Variants in PON1 observed in about 807,000 individuals in gnomAD.
The protein encoded by PON1 is paraoxonase 1, also known as serum paraoxonase/arylesterase 1.
In PON1, 37 loss-of-function variants were observed where a neutral mutation model predicts 39.2. The observed-to-expected ratio is 0.94, with a 90% CI of 0.73 to 1.24. The LOEUF (loss-of-function observed/expected upper bound fraction) is 1.24. Among genes scored for constraint, PON1 ranks in the 50% most tolerant of loss-of-function variants. The pLI is 0.00. For missense variants in PON1, 397 were observed against 413.5 expected, an observed-to-expected ratio of 0.96 and a Z score of 0.35; for synonymous variants, 148 against 152.2, an observed-to-expected ratio of 0.97 and a Z score of 0.21.
At chr7:95,322,291 AGTTTT>A (rs1807913478) in intron 1 of PON1, among the ~76,000 whole-genome samples, 1 of 102,586 alleles carries the variant, frequency 9.7e-6, no homozygotes, top group African/African-American at 2.9e-5. Flanking sequence ...ATATATACTT[AGTTTT>A]ATTTATATGT....
chr7:95,313,931 G>C (rs1455911898), intron 4 of PON1, among the ~76,000 whole-genome samples: 1 of 152,144 alleles, frequency 6.6e-6, no homozygotes, highest in East Asian at 1.9e-4. Flanking sequence ...AGTGCTCAGG[G>C]AAGTAGCAAT....
chr7:95,302,149 T>G, intron 8 of PON1, 56 bp downstream of exon 8: 1 of 1,101,342 alleles, frequency 9.1e-7, no homozygotes, highest in Non-Finnish European at 1.3e-6. Flanking sequence ...TGTTGTCAAC[T>G]GAAAAAACAG....
chr7:95,302,115 A>AC, intron 8 of PON1, 90 bp downstream of exon 8: 1 of 761,446 alleles, frequency 1.3e-6, no homozygotes, highest in South Asian at 1.9e-5. Flanking sequence ...AAAAAAAAAA[A>AC]AAAAAACCAA....
At chr7:95,316,930 T>G in intron 2 of PON1, 141 bp from the exon 3 acceptor site, 1 of 712,304 alleles carries the variant, frequency 1.4e-6, no homozygotes, top group East Asian at 2.6e-5. Flanking sequence ...TTCTTTCATT[T>G]ATTCAAATTG....
chr7:95,321,509 A>C (rs1807896989), intron 1 of PON1, among the ~76,000 whole-genome samples: 1 of 152,314 alleles, frequency 6.6e-6, no homozygotes, highest in African/African-American at 2.4e-5. Flanking sequence ...AGCTCCAATA[A>C]GGGCTCTCAC....
intron 1 of PON1, among the ~76,000 whole-genome samples, chr7:95,322,765 AGGTGGGAGACTCGTG>A (rs1342663138): frequency 2.0e-5 from 3 of 152,130 alleles, no homozygotes; most frequent in Non-Finnish European, 4.4e-5. Context: ...CCGACTACAA[AGGTGGGAGACTCGTG>A]GGTGGGAGAC....
chr7:95,315,262 T>C (rs967224400), intron 4 of PON1, 60 bp downstream of exon 4: 3 of 1,387,450 alleles, frequency 2.2e-6, no homozygotes, highest in African/African-American at 2.9e-5. Context: ...TTTATTGGCA[T>C]GTTTTTCTGT....
At position 95,298,006 on chromosome 7, in the gene PON1, TTTCTA is replaced by T. The variant is rs1221909164; in HGVS notation, c.*933_*937del. Reference sequence around the variant, plus strand: ...AGATAGCCAAAGGGGTTGTTGATCTTTTCTATTTATTTGTTTGTTTACCTTTCTAT... The same window carrying T: ...AGATAGCCAAAGGGGTTGTTGATCTTTTTATTTGTTTGTTTACCTTTCTAT... On this transcript the variant is annotated 3_prime_UTR_variant, in exon 9 of 9. Coordinates refer to ENST00000222381, the MANE Select transcript of PON1 (RefSeq NM_000446.7). The T allele has an allele frequency of 6.6e-6, 1 of 151,306 alleles. No homozygotes were observed. Among genetic ancestry groups the T allele is most frequent in the Non-Finnish European group, 1.5e-5 (1 of 67,960 alleles). 9.4% of individuals were successfully genotyped at this position (151,306 alleles called of 1,614,324 possible).
chr7:95,318,227 T>C (rs1027436024), intron 2 of PON1, 96 bp downstream of exon 2: 2 of 1,064,712 alleles, frequency 1.9e-6, no homozygotes, highest in Admixed American at 1.8e-5. Flanking sequence ...TTCAAAATTT[T>C]ATTTTTGGAC....
chr7:95,317,214 T>A (rs1476760079), intron 2 of PON1, among the ~76,000 whole-genome samples: 1 of 152,144 alleles, frequency 6.6e-6, no homozygotes, highest in Non-Finnish European at 1.5e-5. Context: ...ATTGAAGATA[T>A]AAGCAAATTC....
intron 1 of PON1, among the ~76,000 whole-genome samples, chr7:95,320,837 A>G (rs188238237): frequency 2.6e-5 from 4 of 152,370 alleles, no homozygotes; most frequent in East Asian, 1.9e-4. Context: ...TGTCTGAGAT[A>G]TATCTCTGAT....
chr7:95,298,584 G>C lies in PON1; in HGVS notation c.*360C>G, dbSNP rs1352713568. The stretch of plus-strand genomic sequence containing the variant: ...CCCCTGTGTCTTCTGAACAAGACAT[G>C]GCAAGGCAGCGATACACACATGTGC... On this transcript the variant is annotated 3_prime_UTR_variant, in exon 9 of 9. Coordinates refer to ENST00000222381, the MANE Select transcript of PON1 (RefSeq NM_000446.7). 1 of 360,906 alleles carries C rather than the reference G, an allele frequency of 2.8e-6. No individual in the cohort carries two copies. The highest frequency in any genetic ancestry group is 2.3e-5 in the South Asian group (1 of 44,278). The allele number at this position is 360,906 out of a possible 1,614,324, so 22.4% of individuals were successfully genotyped here. A position where few individuals can be genotyped will look rare whatever the true frequency, so the allele number is the denominator to read the frequency against.
chr7:95,308,289 C>A, intron 5 of PON1, 78 bp from the exon 6 acceptor site: 1 of 1,327,174 alleles, frequency 7.5e-7, no homozygotes, highest in Non-Finnish European at 1.1e-6. Flanking sequence ...GCATTCCTCA[C>A]TGTCTATTCC....
intron 7 of PON1, among the ~76,000 whole-genome samples, chr7:95,304,958 T>C (rs750033650): frequency 2.0e-5 from 3 of 152,174 alleles, no homozygotes; most frequent in Non-Finnish European, 4.4e-5. Flanking sequence ...TCTCATAAAA[T>C]TCTTTAACTT....
At chr7:95,302,108 A>AAAC (rs1807442573) in intron 8 of PON1, 97 bp downstream of exon 8, 1 of 810,326 alleles carries the variant, frequency 1.2e-6, no homozygotes, top group Non-Finnish European at 1.8e-6. Context: ...AAAAAAAAAA[A>AAAC]AAAAAAAAAA....
At chr7:95,323,445 A>G (rs1431124508) in intron 1 of PON1, among the ~76,000 whole-genome samples, 1 of 152,168 alleles carries the variant, frequency 6.6e-6, no homozygotes, top group African/African-American at 2.4e-5. Flanking sequence ...ATCCACAATA[A>G]ATAGTAAAAA....
At chr7:95,312,061 A>G (rs1356647435) in intron 4 of PON1, among the ~76,000 whole-genome samples, 1 of 152,252 alleles carries the variant, frequency 6.6e-6, no homozygotes, top group Non-Finnish European at 1.5e-5. Context: ...CTTTAAGAAC[A>G]CAAAGGTGAC....
At position 95,313,189 on chromosome 7, in the gene PON1, T is replaced by C. The variant is rs373674094; in HGVS notation, c.371-1612A>G. On this transcript the variant is annotated intron_variant, in intron 4 of 8. Coordinates refer to ENST00000222381, the MANE Select transcript of PON1 (RefSeq NM_000446.7). ...GTTGGAAATCAAATTCAAGTGAGGA[T>C]TAAAACCTGAATTCACATTTTGTGC... is the stretch of plus-strand genomic sequence containing the variant. Among the ~76,000 whole-genome samples the C allele has an allele frequency of 1.2e-4, 19 of 152,316 alleles. No homozygotes were observed. The East Asian group carries it at 3.7e-3, about 29-fold the overall frequency.
At chr7:95,323,921 G>A (rs1462509294) in intron 1 of PON1, among the ~76,000 whole-genome samples, 1 of 152,124 alleles carries the variant, frequency 6.6e-6, no homozygotes, top group Non-Finnish European at 1.5e-5. Context: ...CCACCTGCTC[G>A]GGTCCACACG....
Sources: allele counts gnomAD v4.1 joint callset (sites outside exome capture counted in the v4.1 genomes callset), GRCh38; gene constraint gnomAD v4.1.1; transcripts MANE v1.5; gene names NCBI Gene and HGNC (gene_info 2026-07-23, HGNC 2026-07-21).